Variants in MKX observed in about 807,000 individuals in gnomAD.
MKX encodes the protein homeobox protein Mohawk.
Under a neutral mutation model 36.0 loss-of-function variants are expected in MKX, and 13 were observed. The observed-to-expected ratio is 0.36, with a 90% CI of 0.24 to 0.57. The LOEUF is 0.57. Ranked by LOEUF, MKX falls within the 20% of genes least tolerant of loss-of-function variation. MKX has a pLI of 0.79. For missense variants in MKX, 458 were observed against 456.4 expected (o/e 1.00, Z -0.03); for synonymous variants, 176 against 178.3 (o/e 0.99, Z 0.10).
chr10:27,703,150 TC>T lies in MKX; in HGVS notation c.839-27597del, dbSNP rs759305444. Reference sequence around the variant, plus strand: ...ACAAAGGGAAGTCCAGTTTTTTAATTCCTAAAAGAGTGCCATAGAAGAGCAT... The same window carrying T: ...ACAAAGGGAAGTCCAGTTTTTTAATTCTAAAAGAGTGCCATAGAAGAGCAT... On this transcript the variant is annotated intron_variant, in intron 5 of 6. Transcript: ENST00000419761. Among the ~76,000 whole-genome samples the T allele has an allele frequency of 1.6e-3, 236 of 152,098 alleles. 1 individual carries two copies. Among genetic ancestry groups the T allele is most frequent in the Non-Finnish European group, 2.7e-3 (185 of 68,006 alleles).
At chr10:27,730,857 G>A (rs1453610670) in intron 5 of MKX, among the ~76,000 whole-genome samples, 4 of 151,764 alleles carry the variant, frequency 2.6e-5, no homozygotes, top group Admixed American at 6.6e-5. Flanking sequence ...CTTGGCAGCC[G>A]GGCGCGGTGG....
chr10:27,739,293 C>G (rs1834843155), intron 3 of MKX, among the ~76,000 whole-genome samples: 2 of 151,996 alleles, frequency 1.3e-5, no homozygotes, highest in Non-Finnish European at 2.9e-5. Context: ...TAATTCTATA[C>G]ATTTTTATTT....
At chr10:27,712,454 A>G (rs1326040104) in intron 5 of MKX, among the ~76,000 whole-genome samples, 1 of 152,174 alleles carries the variant, frequency 6.6e-6, no homozygotes, top group Non-Finnish European at 1.5e-5. Context: ...CCTGGGTTAC[A>G]CTACAGGTAA....
intron 5 of MKX, among the ~76,000 whole-genome samples, chr10:27,687,051 C>A (rs560497251): frequency 2.2e-4 from 33 of 151,724 alleles, no homozygotes; most frequent in African/African-American, 7.3e-4. Context: ...GTTGTTCAGG[C>A]TGGAGTGCAG....
chr10:27,710,109 C>T (rs754653097), intron 5 of MKX, among the ~76,000 whole-genome samples: 1 of 152,124 alleles, frequency 6.6e-6, no homozygotes, highest in African/African-American at 2.4e-5. Context: ...CAGCACAATT[C>T]TAAGGGCTCT....
At chr10:27,721,986 C>T (rs917032591) in intron 5 of MKX, among the ~76,000 whole-genome samples, 20 of 152,002 alleles carry the variant, frequency 1.3e-4, no homozygotes, top group Admixed American at 7.9e-4. Context: ...GTAGTCTGAT[C>T]ATGATCTCAT....
chr10:27,720,919 TC>T (rs1226244890), intron 5 of MKX, among the ~76,000 whole-genome samples: 1 of 152,126 alleles, frequency 6.6e-6, no homozygotes, highest in African/African-American at 2.4e-5. Flanking sequence ...GCAACAGCTT[TC>T]CCGTATATCC....
chr10:27,714,009 C>CAAAAAAAAAAAA lies in MKX; in HGVS notation c.838+20435_838+20446dup, dbSNP rs10632508. On this transcript the variant is annotated intron_variant, in intron 5 of 6. Transcript: ENST00000419761. Reference sequence around the variant, plus strand: ...GAGTACAGCAAATTTGTGCAAAGACCAAAAAAAAAAAAAAAAAAAAGAGGC... The same window carrying CAAAAAAAAAAAA: ...GAGTACAGCAAATTTGTGCAAAGACCAAAAAAAAAAAAAAAAAAAAAAAAAAAAAAAAGAGGC... Among the ~76,000 whole-genome samples, 14 of 102,428 alleles carry CAAAAAAAAAAAA rather than the reference C, an allele frequency of 1.4e-4. 2 individuals are homozygous for CAAAAAAAAAAAA. Among genetic ancestry groups the CAAAAAAAAAAAA allele is most frequent in the Non-Finnish European group, 2.5e-4 (12 of 47,582 alleles). 67.2% of individuals were successfully genotyped at this position (102,428 alleles called of 152,430 possible). A position where few individuals can be genotyped will look rare whatever the true frequency, so the allele number is the denominator to read the frequency against.
chr10:27,711,476 T>TC (rs1836859954), intron 5 of MKX, among the ~76,000 whole-genome samples: 31 of 6,000 alleles, frequency 5.2e-3, no homozygotes, highest in African/African-American at 0.012. Context: ...TCTTTCTTTC[T>TC]TTCTTTCTCT....
At chr10:27,711,449 TTCTTTCTTTCTTTC>T (rs1836854996) in intron 5 of MKX, among the ~76,000 whole-genome samples, 1 of 8,580 alleles carries the variant, frequency 1.2e-4, no homozygotes, top group East Asian at 4.3e-3. Flanking sequence ...CTTTCTTTCT[TTCTTTCTTTCTTTC>T]TTTCTTTCTT....
At chr10:27,686,447 A>G (rs1297768909) in intron 5 of MKX, among the ~76,000 whole-genome samples, 1,896 of 142,324 alleles carry the variant, frequency 0.013, 38 homozygotes, top group African/African-American at 0.045. Context: ...GGAAGGAAGG[A>G]AAGAGGGGGA....
At chr10:27,691,614 T>C (rs1340065338) in intron 5 of MKX, among the ~76,000 whole-genome samples, 5 of 152,194 alleles carry the variant, frequency 3.3e-5, no homozygotes, top group African/African-American at 1.2e-4. Flanking sequence ...ACAGGTATAT[T>C]GTGTGATGCT....
At chr10:27,745,595 G>A (rs1273867958) in intron 1 of MKX, 112 bp downstream of exon 1, 1 of 152,442 alleles carries the variant, frequency 6.6e-6, no homozygotes, top group African/African-American at 2.4e-5. Context: ...ACCAGACCTT[G>A]GAGGGAAGTT....
At chr10:27,683,284 T>C (rs780170311) in intron 5 of MKX, among the ~76,000 whole-genome samples, 37 of 152,264 alleles carry the variant, frequency 2.4e-4, no homozygotes, top group Non-Finnish European at 7.3e-5. Context: ...ATATTTTTAA[T>C]GCTTACCATT....
chr10:27,685,184 C>T (rs1836319947), intron 5 of MKX, among the ~76,000 whole-genome samples: 1 of 152,062 alleles, frequency 6.6e-6, no homozygotes, highest in Non-Finnish European at 1.5e-5. Context: ...TCCAAGTAAC[C>T]TCTGTCAATA....
intron 5 of MKX, among the ~76,000 whole-genome samples, chr10:27,679,257 A>G (rs981006579): frequency 6.6e-6 from 1 of 152,226 alleles, no homozygotes; most frequent in Admixed American, 6.5e-5. Flanking sequence ...GTACCCTAGA[A>G]CATAAAGAAT....
chr10:27,741,648 G>C lies in MKX; in HGVS notation c.189-144C>G, dbSNP rs561189742. On this transcript the variant is annotated intron_variant, in intron 2 of 6. Coordinates refer to ENST00000419761, the MANE Select transcript of MKX (RefSeq NM_173576.3). This position sits in a 1 kb window ranked among gnomAD's most constrained non-coding sequence, Gnocchi z 5.1. ...TGCTTTGCGCGCGCCCAGAGTGTTT[G>C]GGAGAGGCAGGAAGTGGGAGCCACA... is the stretch of plus-strand genomic sequence containing the variant. The C allele has an allele frequency of 1.1e-6, 1 of 911,940 alleles. No homozygotes were observed. Among genetic ancestry groups the C allele is most frequent in the Non-Finnish European group, 1.6e-6 (1 of 629,408 alleles). The allele number at this position is 911,940 out of a possible 1,614,324, so 56.5% of individuals were successfully genotyped here.
intron 5 of MKX, among the ~76,000 whole-genome samples, chr10:27,724,210 G>T (rs529508708): frequency 9.9e-5 from 15 of 152,120 alleles, no homozygotes; most frequent in Non-Finnish European, 1.9e-4. Context: ...GGACCAAAAA[G>T]TGAACACAGT....
intron 5 of MKX, among the ~76,000 whole-genome samples, chr10:27,723,094 T>C (rs1190914085): frequency 6.6e-6 from 1 of 152,202 alleles, no homozygotes; most frequent in Admixed American, 6.5e-5. Context: ...CCTTTCAAGA[T>C]AGTTGAGAAT....
Sources: allele counts gnomAD v4.1 joint callset (sites outside exome capture counted in the v4.1 genomes callset), GRCh38; gene constraint gnomAD v4.1.1; non-coding constraint Gnocchi (gnomAD v3.1); transcripts MANE v1.5; gene names NCBI Gene and HGNC (gene_info 2026-07-23, HGNC 2026-07-21).